The following DNAH14 variants were observed in gnomAD, a reference collection of about 807,000 sequenced individuals.
DNAH14 encodes dynein axonemal heavy chain 14, also known as axonemal beta dynein heavy chain 14.
Under a neutral mutation model 520.9 loss-of-function variants are expected in DNAH14, and 478 were observed. The ratio of observed to expected loss-of-function variants is 0.92; its 90% CI spans 0.85 to 0.99. The LOEUF is 0.99. DNAH14 is among the 50% of genes least tolerant of loss of function. The pLI, the probability that DNAH14 is intolerant of heterozygous loss-of-function variation, is 0.00. For synonymous variants in DNAH14, 1,581 were observed against 1,757.2 expected (o/e 0.90, Z 2.51); for missense variants, 4,831 against 5,234.5 (o/e 0.92, Z 2.38).
chr1:225,205,845 C>G, intron 39 of DNAH14, 126 bp from the exon 40 acceptor site: 4 of 714,770 alleles, frequency 5.6e-6, no homozygotes, highest in East Asian at 2.7e-5. Flanking sequence ...CACATTCACT[C>G]TAGTGTTTTC....
At chr1:225,110,488 G>A (rs144583560) in intron 23 of DNAH14, among the ~76,000 whole-genome samples, 3,009 of 151,616 alleles carry the variant, frequency 0.02, 33 homozygotes, top group Non-Finnish European at 0.032. Flanking sequence ...AGTCTCTAGT[G>A]ATCCTTTGAA....
rs750960920 is a variant in DNAH14 at position 224,954,985 on chromosome 1, A to T, written c.104A>T (p.Tyr35Phe). 14 of 1,599,744 alleles carry T rather than the reference A, an allele frequency of 8.8e-6. No individual in the cohort carries two copies. The highest frequency in any genetic ancestry group is 1.2e-5 in the Non-Finnish European group (14 of 1,171,892). The change falls in exon 3 of 86, where the codon TAT becomes TTT. Residue 35 changes from tyrosine to phenylalanine, a missense_variant. Physicochemically the swap from Tyr to Phe is conservative, Grantham distance 22. Transcript: ENST00000682510. ...PRLLRYEEKK[Y>F]EDVKPLETQP... ...CTTTTAAGATATGAAGAGAAAAAAT[A>T]TGAAGATGTGAAACCATTAGAGACT...
intron 11 of DNAH14, 115 bp downstream of exon 11, chr1:225,023,980 C>G: frequency 7.0e-7 from 1 of 1,437,072 alleles, no homozygotes; most frequent in South Asian, 1.6e-5. Flanking sequence ...CTCCTTGTGG[C>G]AGAGTACATG....
chr1:225,101,652 C>A lies in DNAH14; in HGVS notation c.3867+768C>A, dbSNP rs548029756. On this transcript the variant is annotated intron_variant, in intron 23 of 85. Coordinates refer to ENST00000682510, the MANE Select transcript of DNAH14 (RefSeq NM_001367479.1). ...TGGTTTTTTTTACTTAACATAATGA[C>A]CTGCAGTTCTATCCATGTTCTTGCA... is the stretch of plus-strand genomic sequence containing the variant. Among the ~76,000 whole-genome samples, 168 of 152,098 alleles carry A rather than the reference C, an allele frequency of 1.1e-3. 1 individual carries two copies. Among genetic ancestry groups the A allele is most frequent in the Non-Finnish European group, 1.9e-3 (127 of 68,008 alleles).
intron 41 of DNAH14, among the ~76,000 whole-genome samples, chr1:225,210,980 A>G (rs774130358): frequency 1.8e-4 from 27 of 152,218 alleles, no homozygotes; most frequent in Non-Finnish European, 3.5e-4. Flanking sequence ...GTAAGTCCAC[A>G]CAGAAGCCTC....
Position 224,967,434 on chromosome 1 carries a change from C to T in DNAH14, c.502C>T (p.Pro168Ser), listed in dbSNP as rs375791690. 3.5e-4 allele frequency: 537 copies of T among 1,534,062 alleles called. 1 individual carries two copies. Among genetic ancestry groups the T allele is most frequent in the Non-Finnish European group, 4.0e-4 (454 of 1,148,924 alleles). ...IAIQKITLKK[P>S]LEDDGEFVYC... ...ATTATTTTTTTTTTAATCTCAGAAA[C>T]CTTTGGAAGATGATGGAGAATTTGT... The change falls in exon 6 of 86, where the codon CCT becomes TCT. Residue 168 changes from proline (P) to serine (S), a missense_variant. By Grantham distance (74) the Pro-to-Ser change is moderately conservative (BLOSUM62 -1). Coordinates refer to ENST00000682510, the MANE Select transcript of DNAH14 (RefSeq NM_001367479.1).
chr1:225,091,398 T>G (rs1323630804), intron 21 of DNAH14, among the ~76,000 whole-genome samples: 1 of 152,102 alleles, frequency 6.6e-6, no homozygotes, highest in Admixed American at 6.6e-5. Context: ...GTAGAAACCC[T>G]ACAAGCCAAA....
intron 17 of DNAH14, among the ~76,000 whole-genome samples, chr1:225,056,922 C>T (rs142936955): frequency 0.032 from 4,799 of 152,168 alleles, 234 homozygotes; most frequent in African/African-American, 0.11. Context: ...CATGCTGTTT[C>T]GGTTACTGTA....
chr1:225,086,377 G>C (rs2073801990), intron 21 of DNAH14, among the ~76,000 whole-genome samples: 1 of 151,720 alleles, frequency 6.6e-6, no homozygotes, highest in South Asian at 2.1e-4. Flanking sequence ...CTCATGATCT[G>C]CCCACCTCAG....
intron 31 of DNAH14, among the ~76,000 whole-genome samples, chr1:225,150,254 G>A (rs547611680): frequency 2.0e-5 from 3 of 152,258 alleles, no homozygotes; most frequent in Admixed American, 6.5e-5. Context: ...CTAGTTGATC[G>A]TGGTAGATAA....
At chr1:225,064,087 C>T (rs979027871) in intron 17 of DNAH14, among the ~76,000 whole-genome samples, 2 of 151,776 alleles carry the variant, frequency 1.3e-5, no homozygotes, top group Non-Finnish European at 2.9e-5. Flanking sequence ...AGACAAAGTA[C>T]CAATAAAAAT....
intron 26 of DNAH14, among the ~76,000 whole-genome samples, chr1:225,121,216 C>T (rs928319873): frequency 2.0e-5 from 3 of 152,106 alleles, no homozygotes; most frequent in Admixed American, 6.6e-5. Flanking sequence ...TTGATTCAAG[C>T]TAATTAAAAT....
At chr1:225,251,177 C>T (rs2092533499) in intron 43 of DNAH14, among the ~76,000 whole-genome samples, 1 of 145,970 alleles carries the variant, frequency 6.9e-6, no homozygotes, top group Non-Finnish European at 1.5e-5. Context: ...AAACTATAAA[C>T]TTTTTTTTTT....
chr1:225,084,852 T>C (rs1376074019), intron 20 of DNAH14, among the ~76,000 whole-genome samples: 4 of 38,558 alleles, frequency 1.0e-4, no homozygotes, highest in Non-Finnish European at 4.1e-4. Flanking sequence ...CTGGATTGAA[T>C]TTTTAGCAAT....
intron 66 of DNAH14, among the ~76,000 whole-genome samples, chr1:225,336,143 A>C (rs16844692): frequency 0.093 from 13,875 of 149,630 alleles, 1,091 homozygotes; most frequent in African/African-American, 0.21. Context: ...ATGTAGACAG[A>C]CCTCAAGCAA....
At chr1:225,089,611 A>G (rs74886244) in intron 21 of DNAH14, among the ~76,000 whole-genome samples, 6,295 of 152,188 alleles carry the variant, frequency 0.041, 213 homozygotes, top group Non-Finnish European at 0.061. Flanking sequence ...AAGTCCGTCA[A>G]TATACAGAGA....
chr1:224,952,385 G>A (rs1298048458), intron 1 of DNAH14, among the ~76,000 whole-genome samples: 1 of 152,130 alleles, frequency 6.6e-6, no homozygotes, highest in Non-Finnish European at 1.5e-5. Context: ...TCTTTAGCAT[G>A]CTATTTAATG....
chr1:225,392,914 C>A (rs1230245916), intron 84 of DNAH14, among the ~76,000 whole-genome samples: 1 of 152,200 alleles, frequency 6.6e-6, no homozygotes, highest in East Asian at 1.9e-4. Context: ...ATGGAGGCAG[C>A]TTGGGCTGAA....
intron 33 of DNAH14, among the ~76,000 whole-genome samples, 198 bp from the exon 34 acceptor site, chr1:225,153,552 T>C (rs1319560637): frequency 6.6e-6 from 1 of 152,122 alleles, no homozygotes; most frequent in East Asian, 1.9e-4. Flanking sequence ...TTGTTAGTCT[T>C]TAAGAGTGAG....
Sources: gnomAD v4.1 joint callset for allele counts (sites outside exome capture counted in the v4.1 genomes callset) on GRCh38, gnomAD v4.1.1 for gene constraint, MANE v1.5 for transcripts, NCBI Gene and HGNC (gene_info 2026-07-23, HGNC 2026-07-21) for gene names.